Variants in CDCP2 observed in about 807,000 individuals in gnomAD.
CDCP2 encodes the protein CUB domain-containing protein 2.
A neutral mutation model predicts 31.0 loss-of-function variants in CDCP2; 31 were observed. The ratio of observed to expected loss-of-function variants is 1.00; its 90% confidence interval spans 0.75 to 1.35. The LOEUF (loss-of-function observed/expected upper bound fraction) is 1.35, where lower values mean the gene tolerates loss of function less well. Among genes scored for constraint, CDCP2 ranks in the 40% most tolerant of loss-of-function variants. The pLI, the probability that CDCP2 is intolerant of heterozygous loss-of-function variation, is 0.00. For missense variants in CDCP2, 443 were observed against 482.6 expected, an observed-to-expected ratio of 0.92 and a Z score of 0.77; for synonymous variants, 206 against 207.9, an observed-to-expected ratio of 0.99 and a Z score of 0.08.
rs146671242 is a variant in CDCP2 at position 54,139,756 on chromosome 1, C to T, written c.1114G>A (p.Gly372Arg). 3.8e-4 allele frequency: 607 copies of T among 1,614,228 alleles called. 2 individuals carry two copies. The highest frequency in any genetic ancestry group is 4.3e-4 in the Non-Finnish European group (513 of 1,180,038). Reference sequence around the variant, plus strand: ...CCACTCCCACAGCCCAGCTGACCTCCGATGTAGGCCACAGAGAAGCCCCTG... The same window carrying T: ...CCACTCCCACAGCCCAGCTGACCTCTGATGTAGGCCACAGAGAAGCCCCTG... The change falls in exon 4 of 6, where the codon GGA becomes AGA. Residue 372 changes from glycine (G) to arginine (R), a missense_variant. By Grantham distance (125) the Gly-to-Arg change is moderately radical (BLOSUM62 -2). Transcript: ENST00000530059.
chr1:54,134,957 A>G (rs1346259867), intron 5 of CDCP2, among the ~76,000 whole-genome samples: 1 of 152,124 alleles, frequency 6.6e-6, no homozygotes, highest in African/African-American at 2.4e-5. Context: ...GCTGGTCACA[A>G]ATCAGTTTTA....
chr1:54,133,096 C>T (rs1659193499), exon 6 of CDCP2: 1 of 399,044 alleles, frequency 2.5e-6, no homozygotes, highest in Non-Finnish European at 4.4e-6. Context: ...GCCTCCGCCT[C>T]ATCCATGGGT....
chr1:54,151,279 C>T (rs1388737713), intron 1 of CDCP2, among the ~76,000 whole-genome samples: 1 of 152,186 alleles, frequency 6.6e-6, no homozygotes, highest in East Asian at 1.9e-4. Flanking sequence ...TGTGTGAGGG[C>T]TGCACAGATG....
intron 5 of CDCP2, among the ~76,000 whole-genome samples, chr1:54,135,618 G>C (rs1659244921): frequency 6.6e-6 from 1 of 152,080 alleles, no homozygotes; most frequent in Non-Finnish European, 1.5e-5. Context: ...GTCATTCCAT[G>C]ACTTTATGGA....
At chr1:54,133,766 T>G (rs7367806) in intron 5 of CDCP2, among the ~76,000 whole-genome samples, 121,303 of 151,626 alleles carry the variant, frequency 0.8, 49,352 homozygotes, top group East Asian at 0.96. Context: ...CGTGATGGTG[T>G]GCGCCTGTAG....
At chr1:54,141,582 C>T in intron 2 of CDCP2, 149 bp from the exon 3 acceptor site, 1 of 662,040 alleles carries the variant, frequency 1.5e-6, no homozygotes, top group South Asian at 2.0e-5. Flanking sequence ...ACCCAAGTAG[C>T]AAGTGTAGCA....
intron 4 of CDCP2, chr1:54,138,319 A>G (rs571099445): frequency 1.3e-5 from 2 of 152,386 alleles, no homozygotes; most frequent in Non-Finnish European, 2.9e-5. Context: ...GGCATAGCCA[A>G]TGGAGCTGGG....
intron 3 of CDCP2, 65 bp from the exon 4 acceptor site, chr1:54,140,171 G>C: frequency 6.6e-7 from 1 of 1,510,242 alleles, no homozygotes. Flanking sequence ...ACTCTCTGCA[G>C]TTACAGCTTA....
exon 1 of CDCP2, chr1:54,152,910 A>G: frequency 6.2e-7 from 1 of 1,613,682 alleles, no homozygotes; most frequent in Non-Finnish European, 8.5e-7. Context: ...CAAGCCCCCC[A>G]CTCTGCCAGC....
At chr1:54,147,151 C>T (rs1001325740) in intron 1 of CDCP2, among the ~76,000 whole-genome samples, 4 of 137,444 alleles carry the variant, frequency 2.9e-5, no homozygotes, top group African/African-American at 1.1e-4. Flanking sequence ...AAAGAAGGTA[C>T]AATTCGAGCA....
At chr1:54,151,741 G>T (rs1478944131) in intron 1 of CDCP2, among the ~76,000 whole-genome samples, 1 of 152,140 alleles carries the variant, frequency 6.6e-6, no homozygotes, top group Non-Finnish European at 1.5e-5. Context: ...CGGCTTCACA[G>T]ACAGGTAAAC....
chr1:54,140,074 C>A, exon 4 of CDCP2: 1 of 1,613,462 alleles, frequency 6.2e-7, no homozygotes, highest in Non-Finnish European at 8.5e-7. Context: ...GAGAAGTTGC[C>A]CCGCATGGCC....
At chr1:54,139,642 T>G in intron 4 of CDCP2, 111 bp downstream of exon 4, 1 of 1,458,590 alleles carries the variant, frequency 6.9e-7, no homozygotes, top group African/African-American at 2.2e-5. Context: ...AGAAGACCAT[T>G]CATGGGGGGG....
rs112179590 is a variant in CDCP2 at position 54,144,567 on chromosome 1, A to G, written c.326T>C (p.Val109Ala). ...GGAGGAGGTGAAGGGCGGCGGGGGC[A>G]CCTTGCCGCAGAACCTCCCCAGCAG... The change falls in exon 2 of 6, where the codon GTG becomes GCG. Residue 109 changes from valine to alanine, a missense_variant. Transcript: ENST00000530059. 3.3e-5 allele frequency: 54 copies of G among 1,613,902 alleles called. 1 individual carries two copies. The African/African-American group carries it at 3.6e-4, about 11-fold the overall frequency.
chr1:54,145,120 T>C (rs775656324), intron 1 of CDCP2, among the ~76,000 whole-genome samples: 4 of 151,982 alleles, frequency 2.6e-5, no homozygotes, highest in African/African-American at 9.7e-5. Flanking sequence ...ACAATAAACA[T>C]AGCAGGTAAA....
intron 5 of CDCP2, among the ~76,000 whole-genome samples, chr1:54,133,671 C>T (rs1440586138): frequency 5.3e-5 from 8 of 152,118 alleles, no homozygotes; most frequent in Admixed American, 2.6e-4. Flanking sequence ...CCAAGGCGGG[C>T]GGATCATGAG....
intron 1 of CDCP2, among the ~76,000 whole-genome samples, chr1:54,147,655 C>G (rs1034308252): frequency 3.5e-4 from 53 of 151,812 alleles, no homozygotes; most frequent in Non-Finnish European, 4.6e-4. Flanking sequence ...GCGTGAGCCA[C>G]CGTGCCCGGC....
upstream of CDCP2, chr1:54,152,928 C>T (rs1659609778): frequency 1.2e-6 from 2 of 1,614,108 alleles, no homozygotes. Flanking sequence ...AGCATCTCCT[C>T]ACCAGGGGCC....
chr1:54,148,991 TATATA>T (rs1374907349), intron 1 of CDCP2, among the ~76,000 whole-genome samples: 4 of 146,988 alleles, frequency 2.7e-5, no homozygotes, highest in South Asian at 4.2e-4. Context: ...ATATATATAA[TATATA>T]ATATATTTAT....
Sources: gnomAD v4.1 joint callset for allele counts (sites outside exome capture counted in the v4.1 genomes callset) on GRCh38, gnomAD v4.1.1 for gene constraint, MANE v1.5 for transcripts, NCBI Gene and HGNC (gene_info 2026-07-23, HGNC 2026-07-21) for gene names.